Variants in SLC16A3 observed in about 807,000 individuals in gnomAD.
SLC16A3 encodes the protein monocarboxylate transporter 4.
SLC16A3 carries 22 observed loss-of-function variants against 25.0 expected under a neutral mutation model. The observed-to-expected ratio is 0.88, with a 90% confidence interval of 0.63 to 1.26. The LOEUF (loss-of-function observed/expected upper bound fraction) is 1.26. SLC16A3 is among the 50% of genes most tolerant of loss of function. The pLI is 0.00. For synonymous variants in SLC16A3, 390 were observed against 309.2 expected (o/e 1.26, Z -2.74); for missense variants, 731 against 666.6 (o/e 1.10, Z -1.06).
rs959641111 is a variant in SLC16A3 at position 82,239,986 on chromosome 17, C to T, written c.*1010C>T. ...AGGCCGCCGGGGCCCTCAGTAGGTGCGTCGTGGGCGCTGGGGACGGCAGCG... is the reference window on the plus strand; with the variant it reads ...AGGCCGCCGGGGCCCTCAGTAGGTGTGTCGTGGGCGCTGGGGACGGCAGCG... On this transcript the variant is annotated 3_prime_UTR_variant, in exon 5 of 5. Transcript: ENST00000582743. 1.9e-5 allele frequency: 24 copies of T among 1,233,408 alleles called. No individual in the cohort carries two copies. The Admixed American group carries it at 5.5e-4, about 28-fold the overall frequency. 76.4% of individuals were successfully genotyped at this position (1,233,408 alleles called of 1,614,324 possible).
At chr17:82,218,545 G>A (rs192202386) in intron 1 of SLC16A3, among the ~76,000 whole-genome samples, 1 of 152,284 alleles carries the variant, frequency 6.6e-6, no homozygotes, top group East Asian at 1.9e-4. Context: ...GCGCAGGGGT[G>A]CACAGAGCCC....
At chr17:82,226,791 G>A (rs966976477), upstream of SLC16A3, among the ~76,000 whole-genome samples, 3 of 152,114 alleles carry the variant, frequency 2.0e-5, no homozygotes, top group Non-Finnish European at 4.4e-5. Flanking sequence ...CCAGGGTCTC[G>A]GAGGCTCTGG....
chr17:82,220,573 C>T (rs1320237135), intron 1 of SLC16A3, among the ~76,000 whole-genome samples: 1 of 152,076 alleles, frequency 6.6e-6, no homozygotes. Flanking sequence ...GAGTTCAAGA[C>T]CAGCCTGGCC....
Position 82,219,185 on chromosome 17 carries a change from A to G in SLC16A3, c.-27+1001A>G, listed in dbSNP as rs370012802. Reference sequence around the variant, plus strand: ...CAGGGAAGCCCCCAAGCTGCAGAAGAGGAGGACACCCGGGACCAGGCAGGG... The same window carrying G: ...CAGGGAAGCCCCCAAGCTGCAGAAGGGGAGGACACCCGGGACCAGGCAGGG... On this transcript the variant is annotated intron_variant, in intron 1 of 4. Transcript: ENST00000580098. 4.7e-4 allele frequency among the ~76,000 whole-genome samples: 72 copies of G among 152,076 alleles called. 1 individual carries two copies. In the South Asian group the frequency reaches 0.015, roughly 31 times the overall value.
intron 1 of SLC16A3, among the ~76,000 whole-genome samples, chr17:82,219,752 G>A (rs564868602): frequency 1.3e-3 from 195 of 152,268 alleles, no homozygotes; most frequent in African/African-American, 3.3e-3. Flanking sequence ...GGGGGTCTGC[G>A]CTGAGAAGGG....
rs2147138699 is a variant in SLC16A3 at position 82,238,816 on chromosome 17, A to C, written c.1238A>C (p.Lys413Thr). 6.2e-7 allele frequency: 1 copy of C among 1,612,878 alleles called. No individual in the cohort carries two copies. The highest frequency in any genetic ancestry group is 2.2e-5 in the East Asian group (1 of 44,882). ...GGCAACTTCTTCTGCATTAGGAAGA[A>C]GCCCAAAGAGCCACAGCCTGAGGTG... is the stretch of plus-strand genomic sequence containing the variant. ...LLGNFFCIRK[K>T]PKEPQPEVAA... Residue 413 changes from lysine (K) to threonine (T), a missense_variant, in exon 5 of 5, where the codon AAG (lysine) becomes ACG (threonine). Physicochemically the swap from Lys to Thr is moderately conservative, Grantham distance 78 (BLOSUM62 -1). Transcript: ENST00000582743.
chr17:82,226,391 G>A (rs1367965762), upstream of SLC16A3, among the ~76,000 whole-genome samples: 1 of 152,074 alleles, frequency 6.6e-6, no homozygotes, highest in East Asian at 2.0e-4. Flanking sequence ...GGTGTGGGGT[G>A]GGTGCTCCCA....
At chr17:82,221,670 A>G (rs2050389877) in intron 1 of SLC16A3, among the ~76,000 whole-genome samples, 1 of 152,192 alleles carries the variant, frequency 6.6e-6, no homozygotes, top group African/African-American at 2.4e-5. Context: ...GATACTCAAC[A>G]TCATTAGTCA....
chr17:82,229,915 G>C (rs537469844), intron 1 of SLC16A3: 2 of 152,522 alleles, frequency 1.3e-5, no homozygotes, highest in African/African-American at 4.8e-5. Flanking sequence ...AGGGACGATG[G>C]GGGGAGCCGA....
At position 82,237,390 on chromosome 17, in the gene SLC16A3, G is replaced by T; in HGVS notation, c.620G>T (p.Gly207Val). 1 of 1,547,656 alleles carries T rather than the reference G, an allele frequency of 6.5e-7. No individual in the cohort carries two copies. Among genetic ancestry groups the T allele is most frequent in the South Asian group, 1.2e-5 (1 of 85,238 alleles). Residue 207 changes from glycine to valine, a missense_variant, in exon 4 of 5, where the codon GGC becomes GTC. Transcript: ENST00000582743. ...MRPLVVTAQP[G>V]SGPPRPSRRL... ...CCCCTGGTGGTCACGGCCCAGCCGG[G>T]CTCGGGGCCGCCGCGACCCTCCCGG...
chr17:82,238,757 C>G lies in SLC16A3; in HGVS notation c.1179C>G (p.Ala393=). The change falls in exon 5 of 5, where the codon GCC becomes GCG. Residue 393 remains alanine (A), a synonymous_variant. Coordinates refer to ENST00000582743, the MANE Select transcript of SLC16A3 (RefSeq NM_004207.4). ...TGTACGTGTTCATCCTGGCGGGGGC[C>G]GAGGTGCTCACCTCCTCCCTGATTT... The part of the protein sequence containing the change: ...VYMYVFILAG[A]EVLTSSLILL... 6.2e-7 allele frequency: 1 copy of G among 1,612,654 alleles called. No individual in the cohort carries two copies. The highest frequency in any genetic ancestry group is 8.5e-7 in the Non-Finnish European group (1 of 1,179,928).
At position 82,238,992 on chromosome 17, in the gene SLC16A3, C is replaced by T. The variant is rs776446336; in HGVS notation, c.*16C>T. The T allele has an allele frequency of 2.5e-5, 37 of 1,502,244 alleles. 1 individual carries two copies. Among genetic ancestry groups the T allele is most frequent in the South Asian group, 9.7e-5 (7 of 72,494 alleles). 93.1% of individuals were successfully genotyped at this position (1,502,244 alleles called of 1,614,324 possible). A position where few individuals can be genotyped will look rare whatever the true frequency, so the allele number is the denominator to read the frequency against. ...AAGTGTCTGAGTGGCTGGGCGGGGCCGGCAGGCACAGGGAGGAGGTACAGA... is the reference window on the plus strand; with the variant it reads ...AAGTGTCTGAGTGGCTGGGCGGGGCTGGCAGGCACAGGGAGGAGGTACAGA... On this transcript the variant is annotated 3_prime_UTR_variant, in exon 5 of 5. Transcript: ENST00000582743.
intron 2 of SLC16A3, 184 bp downstream of exon 2, chr17:82,236,415 G>T: frequency 9.1e-6 from 6 of 658,286 alleles, no homozygotes; most frequent in Non-Finnish European, 1.6e-5. Flanking sequence ...CCCAGGCAGG[G>T]CGCGAAGTCC....
upstream of SLC16A3, among the ~76,000 whole-genome samples, chr17:82,224,720 C>T (rs2050411119): frequency 6.6e-6 from 1 of 151,444 alleles, no homozygotes; most frequent in South Asian, 2.1e-4. Context: ...GCAGACACAA[C>T]CCTACACCCG....
chr17:82,220,556 A>G (rs1392882237), intron 1 of SLC16A3, among the ~76,000 whole-genome samples: 3 of 152,110 alleles, frequency 2.0e-5, no homozygotes, highest in African/African-American at 7.2e-5. Context: ...GAATCACCTG[A>G]GCTCAGGAGT....
chr17:82,225,456 G>A (rs1026832931), upstream of SLC16A3, among the ~76,000 whole-genome samples: 4 of 152,304 alleles, frequency 2.6e-5, no homozygotes, highest in Non-Finnish European at 4.4e-5. Flanking sequence ...CACGCCCCGC[G>A]TGGGTCTGGA....
rs142929790 is a variant in SLC16A3, at chr17:82,236,801, C to T, written c.296C>T (p.Ser99Leu). 1.2e-5 allele frequency: 20 copies of T among 1,608,776 alleles called. No individual in the cohort carries two copies. Among genetic ancestry groups the T allele is most frequent in the South Asian group, 3.3e-5 (3 of 91,090 alleles). ...PVMLVGGLFA[S>L]LGMVAASFCR... ...ATGCTTGTGGGGGGTCTCTTTGCGT[C>T]GCTGGGCATGGTGGCTGCGTCCTTT... The change falls in exon 3 of 5, where the codon TCG becomes TTG. Residue 99 changes from serine (S) to leucine (L), a missense_variant. Ser to Leu is a moderately radical substitution (Grantham distance 145, BLOSUM62 -2). Coordinates refer to ENST00000582743, the MANE Select transcript of SLC16A3 (RefSeq NM_004207.4).
upstream of SLC16A3, among the ~76,000 whole-genome samples, chr17:82,228,171 C>G (rs75888222): frequency 0.031 from 4,788 of 152,372 alleles, 75 homozygotes; most frequent in South Asian, 0.073. Context: ...AGGCCTTACT[C>G]CCTGGAGCCA....
upstream of SLC16A3, among the ~76,000 whole-genome samples, chr17:82,224,335 T>C (rs111606386): frequency 9.8e-5 from 8 of 81,228 alleles, no homozygotes; most frequent in African/African-American, 1.6e-4. Context: ...CCCCTACACC[T>C]GTGCAGTCAC....
Sources: gnomAD v4.1 joint callset for allele counts (sites outside exome capture counted in the v4.1 genomes callset) on GRCh38, gnomAD v4.1.1 for gene constraint, MANE v1.5 for transcripts, NCBI Gene and HGNC (gene_info 2026-07-23, HGNC 2026-07-21) for gene names.